The following MTMR7 variants were observed in gnomAD, a reference collection of about 807,000 sequenced individuals.
MTMR7 encodes phosphatidylinositol-3-phosphate phosphatase MTMR7.
A neutral mutation model predicts 81.2 loss-of-function variants in MTMR7; 76 were observed. The observed-to-expected ratio is 0.94, with a 90% CI of 0.78 to 1.13. The LOEUF (loss-of-function observed/expected upper bound fraction) is 1.13, where lower values mean the gene tolerates loss of function less well. Among genes scored for constraint, MTMR7 ranks in the 50% most tolerant of loss-of-function variants. The pLI, the probability that MTMR7 is intolerant of heterozygous loss-of-function variation, is 0.00. For missense variants in MTMR7, 1,044 were observed against 820.0 expected (o/e 1.27, Z -3.34); for synonymous variants, 372 against 289.8 (o/e 1.28, Z -2.88).
At chr8:17,302,451 T>C (rs7007043) in intron 12 of MTMR7, 171 bp from the exon 13 acceptor site, 225,587 of 660,080 alleles carry the variant, frequency 0.34, 43,688 homozygotes, top group East Asian at 0.62. Context: ...ATGTTTTTTT[T>C]CTTGGGTCAG....
In MTMR7 at chr8:17,356,448, C is replaced by T. The variant is rs576482382; in HGVS notation, c.468+4669G>A. On this transcript the variant is annotated intron_variant, in intron 4 of 13. Transcript: ENST00000180173. ...AGGCATGGTGGCTTGCCTGTAATCC[C>T]AACATTTTGGGAGGCAGAGGCGGGC... 9.8e-4 allele frequency among the ~76,000 whole-genome samples: 149 copies of T among 152,114 alleles called. 1 individual carries two copies. Among genetic ancestry groups the T allele is most frequent in the Admixed American group, 3.4e-3 (52 of 15,282 alleles).
At chr8:17,386,104 A>C (rs895938999) in intron 1 of MTMR7, among the ~76,000 whole-genome samples, 1 of 152,172 alleles carries the variant, frequency 6.6e-6, no homozygotes, top group African/African-American at 2.4e-5. Flanking sequence ...GGCCAGGAGC[A>C]GTGGCTCACA....
chr8:17,372,942 C>T (rs1220216420), intron 2 of MTMR7, 176 bp downstream of exon 2: 2 of 640,652 alleles, frequency 3.1e-6, no homozygotes, highest in South Asian at 2.3e-5. Flanking sequence ...AATGAATAGT[C>T]GATCAAGTAG....
intron 3 of MTMR7, among the ~76,000 whole-genome samples, chr8:17,366,737 T>G (rs1820235214): frequency 6.6e-6 from 1 of 151,754 alleles, no homozygotes; most frequent in Non-Finnish European, 1.5e-5. Context: ...ATACAAAAAA[T>G]TAACCGGGCG....
rs768239482 is a variant in MTMR7 at position 17,299,976 on chromosome 8, T to A, written c.1869A>T (p.Gln623His). The A allele has an allele frequency of 7.4e-6, 12 of 1,614,010 alleles. No homozygotes were observed. Among genetic ancestry groups the A allele is most frequent in the Non-Finnish European group, 1.0e-5 (12 of 1,180,014 alleles). ...SDPDLSANSD[Q>H]ESGVEDLSCR... ...AGCTCAAATCCTCCACCCCGGACTC[T>A]TGGTCACTGTTGGCTGACAGATCTG... The change falls in exon 14 of 14, where the codon CAA becomes CAT. Residue 623 changes from glutamine to histidine, a missense_variant. Transcript: ENST00000180173.
Position 17,311,542 on chromosome 8 carries a change from T to C in MTMR7, c.1070A>G (p.Asp357Gly), listed in dbSNP as rs1817780816. ...QVCSVASLLL[D>G]PHYRTLKGFM... ...GCCCTTCAGAGTCCGGTAGTGAGGG[T>C]CCAGCAGCAGGCTTGCCACCGAGCA... Residue 357 changes from aspartate (D) to glycine (G), a missense_variant, in exon 9 of 14, where the codon GAC becomes GGC. Asp to Gly is a moderately conservative substitution (Grantham distance 94, BLOSUM62 -1). Coordinates refer to ENST00000180173, the MANE Select transcript of MTMR7 (RefSeq NM_004686.5). 1 of 1,613,198 alleles carries C rather than the reference T, an allele frequency of 6.2e-7. No homozygotes were observed. Among genetic ancestry groups the C allele is most frequent in the African/African-American group, 1.3e-5 (1 of 74,604 alleles).
chr8:17,400,406 G>C (rs1202297155), intron 1 of MTMR7, among the ~76,000 whole-genome samples: 4 of 152,156 alleles, frequency 2.6e-5, no homozygotes, highest in Non-Finnish European at 5.9e-5. Flanking sequence ...TGTGGCCCCA[G>C]AGTGTGTGTT....
chr8:17,395,022 A>C (rs187295024), intron 1 of MTMR7, among the ~76,000 whole-genome samples: 5 of 152,330 alleles, frequency 3.3e-5, no homozygotes, highest in African/African-American at 1.2e-4. Context: ...ATCAATTTCC[A>C]AAACTTTCTC....
At chr8:17,381,252 C>T (rs890272255) in intron 1 of MTMR7, among the ~76,000 whole-genome samples, 1 of 151,980 alleles carries the variant, frequency 6.6e-6, no homozygotes, top group Admixed American at 6.6e-5. Flanking sequence ...AGGCTGAAAA[C>T]GCTCAGTCAA....
At chr8:17,338,382 ATT>A (rs2150539286) in intron 6 of MTMR7, among the ~76,000 whole-genome samples, 2 of 152,314 alleles carry the variant, frequency 1.3e-5, no homozygotes, top group East Asian at 3.9e-4. Context: ...TGGTCCTAAA[ATT>A]AGTAGGTGAA....
chr8:17,381,303 C>A (rs1316972048), intron 1 of MTMR7, among the ~76,000 whole-genome samples: 1 of 152,140 alleles, frequency 6.6e-6, no homozygotes, highest in Non-Finnish European at 1.5e-5. Context: ...TCTGAGGAGG[C>A]CACACTGGCG....
In MTMR7 at chr8:17,298,789, A is replaced by G. The variant is rs2285271; in HGVS notation, c.*1073T>C. On this transcript the variant is annotated 3_prime_UTR_variant, in exon 14 of 14. Coordinates refer to ENST00000180173, the MANE Select transcript of MTMR7 (RefSeq NM_004686.5). ...TTTTAACTCATAAGATAGGGGAGGG[A>G]CTCTCCCTTAAATGTGCAGTGTAAC... 0.36 allele frequency: 54,397 copies of G among 152,278 alleles called. 10,327 individuals carry two copies. The highest frequency in any genetic ancestry group is 0.46 in the Middle Eastern group (134 of 294). The allele number at this position is 152,278 out of a possible 1,614,324, so 9.4% of individuals were successfully genotyped here. A position where few individuals can be genotyped will look rare whatever the true frequency, so the allele number is the denominator to read the frequency against.
At chr8:17,312,043 A>G (rs1377914716) in intron 8 of MTMR7, among the ~76,000 whole-genome samples, 1 of 152,198 alleles carries the variant, frequency 6.6e-6, no homozygotes, top group African/African-American at 2.4e-5. Flanking sequence ...TTACAGACCT[A>G]TGAAGTTATA....
At chr8:17,305,523 C>G (rs1817390439) in intron 11 of MTMR7, among the ~76,000 whole-genome samples, 1 of 152,134 alleles carries the variant, frequency 6.6e-6, no homozygotes, top group Non-Finnish European at 1.5e-5. Context: ...TCAAGTCTGT[C>G]AAGCTGTCTA....
At chr8:17,355,783 G>A (rs760989827) in intron 4 of MTMR7, among the ~76,000 whole-genome samples, 29 of 152,236 alleles carry the variant, frequency 1.9e-4, no homozygotes, top group Non-Finnish European at 4.0e-4. Context: ...GCAAAAATGT[G>A]AGTAGATAAT....
chr8:17,320,837 C>G (rs778845682), intron 7 of MTMR7, among the ~76,000 whole-genome samples: 85 of 152,322 alleles, frequency 5.6e-4, no homozygotes, highest in Non-Finnish European at 8.7e-4. Context: ...TCCATGAGCT[C>G]TCACCACTCC....
chr8:17,322,326 A>G (rs1375526665), intron 7 of MTMR7, among the ~76,000 whole-genome samples: 1 of 152,246 alleles, frequency 6.6e-6, no homozygotes, highest in Non-Finnish European at 1.5e-5. Context: ...CATGTGTTCC[A>G]GAATACTATT....
rs151246744 is a variant in MTMR7 at position 17,313,785 on chromosome 8, A to G, written c.866-384T>C. Among the ~76,000 whole-genome samples, 404 of 152,316 alleles carry G rather than the reference A, an allele frequency of 2.7e-3. 5 individuals are homozygous for G. The highest frequency in any genetic ancestry group is 9.1e-3 in the African/African-American group (379 of 41,564). On this transcript the variant is annotated intron_variant, in intron 7 of 13. Transcript: ENST00000180173. ...AGTGCTATGAGGAAAAAAATCATAT[A>G]ACTAAGTGTAGCACCTACCCACTTA...
chr8:17,358,848 T>C (rs1754847068), intron 4 of MTMR7, among the ~76,000 whole-genome samples: 2 of 152,096 alleles, frequency 1.3e-5, no homozygotes, highest in South Asian at 2.1e-4. Flanking sequence ...AAGGATACTA[T>C]ATCAAGAATT....
Sources: allele counts gnomAD v4.1 joint callset (sites outside exome capture counted in the v4.1 genomes callset), GRCh38; gene constraint gnomAD v4.1.1; transcripts MANE v1.5; gene names NCBI Gene and HGNC (gene_info 2026-07-23, HGNC 2026-07-21).